Variants in CEMIP observed in about 807,000 individuals in gnomAD.
The protein encoded by CEMIP is cell migration-inducing and hyaluronan-binding protein.
A neutral mutation model predicts 156.9 loss-of-function variants in CEMIP; 105 were observed. That is an observed-to-expected ratio of 0.67 (90% confidence interval 0.57 to 0.79). CEMIP has a LOEUF of 0.79. CEMIP is among the 30% of genes least tolerant of loss of function. CEMIP has a pLI of 0.00. For missense variants in CEMIP, 1,457 were observed against 1,769.4 expected (o/e 0.82, Z 3.17); for synonymous variants, 676 against 668.4 (o/e 1.01, Z -0.17).
intron 28 of CEMIP, among the ~76,000 whole-genome samples, chr15:80,943,946 A>T (rs1299190716): frequency 6.6e-6 from 1 of 152,108 alleles, no homozygotes; most frequent in Non-Finnish European, 1.5e-5. Context: ...AAGTCTCCCC[A>T]CATCGCCTCC....
intron 1 of CEMIP, among the ~76,000 whole-genome samples, chr15:80,811,343 T>C (rs1204239416): frequency 1.3e-5 from 2 of 152,196 alleles, no homozygotes. Flanking sequence ...TCTCAATCTC[T>C]ATGAGGGTGA....
chr15:80,798,738 A>T (rs566261619), intron 1 of CEMIP, among the ~76,000 whole-genome samples: 3 of 152,274 alleles, frequency 2.0e-5, no homozygotes, highest in South Asian at 4.2e-4. Flanking sequence ...CTCATTACAT[A>T]TTTGAAGTTT....
At chr15:80,863,428 G>A (rs543813906) in intron 1 of CEMIP, among the ~76,000 whole-genome samples, 9 of 152,210 alleles carry the variant, frequency 5.9e-5, no homozygotes, top group African/African-American at 1.7e-4. Context: ...ATGTGTTCAC[G>A]GAGTCCCTGC....
chr15:80,909,722 T>C, intron 14 of CEMIP: 1 of 435,112 alleles, frequency 2.3e-6, no homozygotes, highest in Non-Finnish European at 4.7e-6. Flanking sequence ...TTTTTTCTTC[T>C]GATGAACCAA....
chr15:80,797,423 G>T (rs1896258022), intron 1 of CEMIP, among the ~76,000 whole-genome samples: 1 of 152,144 alleles, frequency 6.6e-6, no homozygotes, highest in Non-Finnish European at 1.5e-5. Flanking sequence ...GGGTCCAGCT[G>T]CTCCTGGGGT....
intron 2 of CEMIP, 34 bp downstream of exon 2, chr15:80,873,730 A>C: frequency 1.5e-6 from 1 of 673,288 alleles, no homozygotes; most frequent in Non-Finnish European, 2.7e-6. Context: ...GGGCTGGCTG[A>C]GTGTGCCCAT....
At chr15:80,797,804 G>T (rs927272328) in intron 1 of CEMIP, among the ~76,000 whole-genome samples, 3 of 152,198 alleles carry the variant, frequency 2.0e-5, no homozygotes, top group Non-Finnish European at 2.9e-5. Context: ...TGCAGCTTCG[G>T]GTTCTTTATT....
chr15:80,888,609 C>A, intron 8 of CEMIP, 92 bp from the exon 9 acceptor site: 1 of 923,078 alleles, frequency 1.1e-6, no homozygotes, highest in South Asian at 1.3e-5. Flanking sequence ...AGTCAATGCC[C>A]ATGTGCGTAG....
At chr15:80,924,788 T>C in intron 18 of CEMIP, 82 bp downstream of exon 18, 2 of 1,174,524 alleles carry the variant, frequency 1.7e-6, no homozygotes, top group South Asian at 1.3e-5. Flanking sequence ...CACTCATTCA[T>C]TCCCTGAGCA....
rs1315663934 is a variant in CEMIP at position 80,898,347 on chromosome 15, G to A, written c.1411+2287G>A. Among the ~76,000 whole-genome samples the A allele has an allele frequency of 2.6e-5, 4 of 152,168 alleles. No individual in the cohort carries two copies. The East Asian group carries it at 5.8e-4, about 22-fold the overall frequency. ...TCATGGGATTGTTGTGAGGATTAAAGGAGTTTGTATATGTGAGGCACTTAC... is the reference window on the plus strand; with the variant it reads ...TCATGGGATTGTTGTGAGGATTAAAAGAGTTTGTATATGTGAGGCACTTAC... On this transcript the variant is annotated intron_variant, in intron 12 of 29. Transcript: ENST00000394685.
At chr15:80,813,097 G>A (rs1896707710) in intron 1 of CEMIP, among the ~76,000 whole-genome samples, 1 of 152,208 alleles carries the variant, frequency 6.6e-6, no homozygotes, top group Non-Finnish European at 1.5e-5. Context: ...AATAAAGGCA[G>A]AAGATGAGGA....
At chr15:80,902,387 A>G (rs768654506) in intron 12 of CEMIP, among the ~76,000 whole-genome samples, 2 of 152,192 alleles carry the variant, frequency 1.3e-5, no homozygotes, top group Non-Finnish European at 2.9e-5. Flanking sequence ...GGCTTCACGT[A>G]TCAGTACTTT....
chr15:80,879,891 T>C (rs1898590806), intron 5 of CEMIP, 37 bp downstream of exon 5: 2 of 1,612,922 alleles, frequency 1.2e-6, no homozygotes, highest in Non-Finnish European at 1.7e-6. Flanking sequence ...ATGCTACCCA[T>C]GGATCTGACA....
intron 23 of CEMIP, 113 bp from the exon 24 acceptor site, chr15:80,936,561 G>A: frequency 1.1e-6 from 1 of 944,016 alleles, no homozygotes. Context: ...AAAGGGTTCT[G>A]TAAAGAGAAA....
Position 80,879,786 on chromosome 15 carries a change from A to C in CEMIP, c.312A>C (p.Gly104=). 2.5e-6 allele frequency: 4 copies of C among 1,614,176 alleles called. No individual in the cohort carries two copies. The highest frequency in any genetic ancestry group is 3.4e-6 in the Non-Finnish European group (4 of 1,180,016). Residue 104 remains glycine, a synonymous_variant, in exon 5 of 30, where the codon GGA becomes GGC. Coordinates refer to ENST00000394685, the MANE Select transcript of CEMIP (RefSeq NM_001293298.2). Reference sequence around the variant, plus strand: ...CCCGGCACATCCTGATTGACAACGGAGGAGAGCTGCATGCTGGGAGTGCCC... The same window carrying C: ...CCCGGCACATCCTGATTGACAACGGCGGAGAGCTGCATGCTGGGAGTGCCC... The part of the protein sequence containing the change: ...LRTRHILIDN[G]GELHAGSALC...
chr15:80,893,044 G>A (rs940879062), intron 10 of CEMIP, among the ~76,000 whole-genome samples: 4 of 152,034 alleles, frequency 2.6e-5, no homozygotes, highest in Non-Finnish European at 4.4e-5. Context: ...AAAATTAGCT[G>A]GGTGTGGTGG....
chr15:80,874,066 G>A (rs2141810636), intron 3 of CEMIP, 93 bp downstream of exon 3: 1 of 1,195,392 alleles, frequency 8.4e-7, no homozygotes, highest in Non-Finnish European at 1.2e-6. Flanking sequence ...GCCAGGAGAA[G>A]GAGCCGTGGG....
intron 3 of CEMIP, among the ~76,000 whole-genome samples, chr15:80,875,021 ATTTTTTTTTTTTTT>A (rs755707756): frequency 4.3e-4 from 28 of 64,918 alleles, no homozygotes; most frequent in African/African-American, 1.6e-3. Flanking sequence ...AGCAAGTAGC[ATTTTTTTTTTTTTT>A]TTTTTTTTTT....
At chr15:80,909,754 T>C (rs1161921462) in intron 14 of CEMIP, 1 of 401,136 alleles carries the variant, frequency 2.5e-6, no homozygotes, top group Non-Finnish European at 5.0e-6. Context: ...GAGCAAGTGC[T>C]GCTGGGAGAA....
Sources: allele counts gnomAD v4.1 joint callset (sites outside exome capture counted in the v4.1 genomes callset), GRCh38; gene constraint gnomAD v4.1.1; transcripts MANE v1.5; gene names NCBI Gene and HGNC (gene_info 2026-07-23, HGNC 2026-07-21).